The following C12orf42 variants were observed in gnomAD, a reference collection of about 807,000 sequenced individuals.
The protein encoded by C12orf42 is uncharacterized protein C12orf42.
Under a neutral mutation model 21.6 loss-of-function variants are expected in C12orf42, and 25 were observed. That is an observed-to-expected ratio of 1.16 (90% CI 0.84 to 1.62). C12orf42 has a LOEUF of 1.62. Ranked by LOEUF, C12orf42 falls within the 40% of genes most tolerant of loss-of-function variation. C12orf42 has a pLI of 0.00. For synonymous variants in C12orf42, 174 were observed against 175.0 expected (o/e 0.99, Z 0.05); for missense variants, 483 against 459.3 (o/e 1.05, Z -0.47).
the C12orf42 span, among the ~76,000 whole-genome samples, chr12:103,097,732 A>G: frequency 1.3e-5 from 2 of 152,242 alleles, no homozygotes; most frequent in African/African-American, 4.8e-5. Context: ...GAGGAAAGAC[A>G]GGTAATGATT....
chr12:103,049,337 C>T, the C12orf42 span, among the ~76,000 whole-genome samples: 2 of 152,230 alleles, frequency 1.3e-5, no homozygotes, highest in East Asian at 1.9e-4. Context: ...TCCTCTTAAA[C>T]GCCACTGCTG....
chr12:103,402,151 A>T (rs2048054702), intron 2 of C12orf42, among the ~76,000 whole-genome samples: 1 of 152,210 alleles, frequency 6.6e-6, no homozygotes. Flanking sequence ...TTTCTTGTTG[A>T]AAGTCACTTA....
chr12:103,499,812 C>T (rs1593046076), upstream of C12orf42, among the ~76,000 whole-genome samples: 2 of 152,150 alleles, frequency 1.3e-5, no homozygotes, highest in African/African-American at 2.4e-5. Flanking sequence ...GGCAATGAGT[C>T]ATCTTTGAAC....
At chr12:103,234,737 A>C (rs956816217), downstream of C12orf42, among the ~76,000 whole-genome samples, 1 of 152,142 alleles carries the variant, frequency 6.6e-6, no homozygotes, top group Non-Finnish European at 1.5e-5. Context: ...CAACCCACAG[A>C]CACATATTAA....
At chr12:103,222,216 T>C in the C12orf42 span, among the ~76,000 whole-genome samples, 1 of 151,010 alleles carries the variant, frequency 6.6e-6, no homozygotes. Flanking sequence ...AAAAAGAGAG[T>C]CAGCGAAGGG....
chr12:103,432,644 C>T (rs1950350204), intron 2 of C12orf42, among the ~76,000 whole-genome samples: 1 of 152,188 alleles, frequency 6.6e-6, no homozygotes, highest in Admixed American at 6.5e-5. Flanking sequence ...GAAGTCCTCA[C>T]CAGTACTTTA....
intron 4 of C12orf42, among the ~76,000 whole-genome samples, chr12:103,328,385 GA>G (rs372600266): frequency 1.8e-4 from 26 of 146,514 alleles, no homozygotes; most frequent in Admixed American, 6.1e-4. Flanking sequence ...GATGTTACTT[GA>G]AAAAAAAAAT....
the C12orf42 span, among the ~76,000 whole-genome samples, chr12:103,528,775 C>T: frequency 6.6e-6 from 1 of 152,170 alleles, no homozygotes; most frequent in Non-Finnish European, 1.5e-5. Flanking sequence ...TTCCAGTATT[C>T]CTTTATAGCA....
chr12:103,487,465 T>C (rs549795441), intron 1 of C12orf42, among the ~76,000 whole-genome samples: 1 of 152,354 alleles, frequency 6.6e-6, no homozygotes, highest in East Asian at 1.9e-4. Context: ...TAGATGTCTA[T>C]TAGGTCTACT....
chr12:103,366,110 A>C (rs576915996), intron 4 of C12orf42, among the ~76,000 whole-genome samples: 1 of 151,982 alleles, frequency 6.6e-6, no homozygotes, highest in East Asian at 1.9e-4. Flanking sequence ...TAATATAAAA[A>C]TATGCACATA....
At chr12:103,374,622 C>A (rs534745360) in intron 3 of C12orf42, among the ~76,000 whole-genome samples, 1 of 152,178 alleles carries the variant, frequency 6.6e-6, no homozygotes, top group African/African-American at 2.4e-5. Context: ...GGTGTCCAAT[C>A]TTGGGCCACA....
At chr12:103,116,381 A>AAAAAATATATATATAT in the C12orf42 span, among the ~76,000 whole-genome samples, 16 of 136,700 alleles carry the variant, frequency 1.2e-4, no homozygotes, top group African/African-American at 3.8e-4. Context: ...AAAAAAAAAA[A>AAAAAATATATATATAT]ATATATATAT....
intron 3 of C12orf42, among the ~76,000 whole-genome samples, chr12:103,378,067 C>A (rs1051831485): frequency 6.6e-6 from 1 of 152,186 alleles, no homozygotes; most frequent in Middle Eastern, 3.4e-3. Context: ...AGAAGCTACT[C>A]AAAGCCAGGG....
At chr12:103,315,373 T>C (rs188837282) in intron 4 of C12orf42, among the ~76,000 whole-genome samples, 1 of 152,210 alleles carries the variant, frequency 6.6e-6, no homozygotes, top group Admixed American at 6.5e-5. Context: ...AACATAATGA[T>C]GAAAACTCAG....
At chr12:103,153,554 G>A in the C12orf42 span, among the ~76,000 whole-genome samples, 1 of 152,030 alleles carries the variant, frequency 6.6e-6, no homozygotes, top group Non-Finnish European at 1.5e-5. Flanking sequence ...ATCTTCCATG[G>A]CTAACAAATT....
At chr12:103,080,636 T>A in the C12orf42 span, among the ~76,000 whole-genome samples, 4 of 152,140 alleles carry the variant, frequency 2.6e-5, no homozygotes, top group Non-Finnish European at 5.9e-5. Context: ...AAAAATCAAA[T>A]TTCTCCAAGT....
intron 3 of C12orf42, among the ~76,000 whole-genome samples, chr12:103,401,277 C>T (rs1279545916): frequency 3.3e-5 from 5 of 152,038 alleles, no homozygotes; most frequent in Non-Finnish European, 5.9e-5. Flanking sequence ...AAATTATTGC[C>T]CTAGTTTCTG....
At chr12:103,532,939 G>A in the C12orf42 span, among the ~76,000 whole-genome samples, 8 of 152,164 alleles carry the variant, frequency 5.3e-5, no homozygotes, top group Admixed American at 1.3e-4. Context: ...CGCGGATCAC[G>A]GAGACAACGG....
At chr12:103,214,263 G>T in the C12orf42 span, among the ~76,000 whole-genome samples, 5 of 152,140 alleles carry the variant, frequency 3.3e-5, no homozygotes, top group Non-Finnish European at 5.9e-5. Context: ...AAATTTCATT[G>T]TACAGTCCAT....
Sources: gnomAD v4.1 joint callset for allele counts (sites outside exome capture counted in the v4.1 genomes callset) on GRCh38, gnomAD v4.1.1 for gene constraint, MANE v1.5 for transcripts, NCBI Gene and HGNC (gene_info 2026-07-23, HGNC 2026-07-21) for gene names.